Variants in XRCC4 observed in about 807,000 individuals in gnomAD.
XRCC4 encodes the protein X-ray repair cross complementing 4, also known as DNA repair protein XRCC4.
In XRCC4, 28 loss-of-function variants were observed where a neutral mutation model predicts 39.1. That is an observed-to-expected ratio of 0.72 (90% CI 0.53 to 0.98). The LOEUF (loss-of-function observed/expected upper bound fraction) is 0.98, where lower values mean the gene tolerates loss of function less well. Among genes scored for constraint, XRCC4 ranks in the 50% least tolerant of loss-of-function variants. The pLI, the probability that XRCC4 is intolerant of heterozygous loss-of-function variation, is 0.00. For synonymous variants in XRCC4, 123 were observed against 126.4 expected (o/e 0.97, Z 0.18); for missense variants, 350 against 376.4 (o/e 0.93, Z 0.58).
At chr5:83,278,326 G>T (rs1235422389) in intron 7 of XRCC4, among the ~76,000 whole-genome samples, 1 of 152,148 alleles carries the variant, frequency 6.6e-6, no homozygotes, top group Admixed American at 6.5e-5. Flanking sequence ...GAATTTTTGA[G>T]GTAGAAGTAT....
chr5:83,104,549 C>T (rs1189676884), intron 1 of XRCC4, among the ~76,000 whole-genome samples: 1 of 152,070 alleles, frequency 6.6e-6, no homozygotes, highest in Non-Finnish European at 1.5e-5. Context: ...AACTCCTGAC[C>T]TCAGGCAATC....
intron 7 of XRCC4, among the ~76,000 whole-genome samples, chr5:83,346,721 G>A (rs2386275): frequency 0.26 from 39,605 of 151,916 alleles, 7,572 homozygotes; most frequent in East Asian, 0.71. Context: ...GTATGTTGAA[G>A]TATAAGATAC....
intron 3 of XRCC4, among the ~76,000 whole-genome samples, chr5:83,111,849 G>T (rs1746459857): frequency 6.6e-6 from 1 of 152,072 alleles, no homozygotes. Flanking sequence ...AATAGATACT[G>T]AATTTGTTTT....
At chr5:83,324,578 T>C (rs1439093176) in intron 7 of XRCC4, among the ~76,000 whole-genome samples, 1 of 152,174 alleles carries the variant, frequency 6.6e-6, no homozygotes, top group Non-Finnish European at 1.5e-5. Context: ...AAGATGCCAT[T>C]GGCTTTTGCC....
chr5:83,244,016 G>A (rs1357704488), intron 6 of XRCC4, among the ~76,000 whole-genome samples: 1 of 152,132 alleles, frequency 6.6e-6, no homozygotes, highest in Non-Finnish European at 1.5e-5. Flanking sequence ...GGCTCTTAGA[G>A]CATATCTTTC....
chr5:83,090,475 CTG>C (rs989468452), intron 1 of XRCC4, among the ~76,000 whole-genome samples: 1 of 152,152 alleles, frequency 6.6e-6, no homozygotes, highest in African/African-American at 2.4e-5. Flanking sequence ...GTCCATTAAA[CTG>C]TTTTTTTCCA....
intron 4 of XRCC4, among the ~76,000 whole-genome samples, chr5:83,202,618 T>TA (rs1751254514): frequency 1.3e-5 from 2 of 152,282 alleles, no homozygotes; most frequent in East Asian, 3.9e-4. Context: ...TACTGGTATA[T>TA]ATGTGTGTGT....
intron 2 of XRCC4, among the ~76,000 whole-genome samples, chr5:83,110,504 A>G (rs1746391384): frequency 6.6e-6 from 1 of 151,996 alleles, no homozygotes. Context: ...CGTACATTTT[A>G]GTTTCCTTCC....
intron 3 of XRCC4, among the ~76,000 whole-genome samples, chr5:83,126,802 T>C (rs1333006496): frequency 6.6e-6 from 1 of 152,162 alleles, no homozygotes; most frequent in Non-Finnish European, 1.5e-5. Flanking sequence ...TGTCCAAATC[T>C]TAGAGACTCA....
chr5:83,298,198 G>T (rs1273440539), intron 7 of XRCC4, among the ~76,000 whole-genome samples: 1 of 150,684 alleles, frequency 6.6e-6, no homozygotes, highest in Non-Finnish European at 1.5e-5. Flanking sequence ...GTTGAAAACC[G>T]TCTATGGCAC....
intron 3 of XRCC4, among the ~76,000 whole-genome samples, chr5:83,136,253 A>T (rs1747892092): frequency 1.3e-5 from 2 of 152,186 alleles, no homozygotes; most frequent in African/African-American, 4.8e-5. Context: ...TGTCTTTAGC[A>T]AGCTAGATCA....
rs1186959004 is a variant in XRCC4, at chr5:83,132,358, C to G, written c.315+21155C>G. Reference sequence around the variant, plus strand: ...TTCGGTGAATCTGACAATTATGTGTCTTGGTGTTGCTGTTCTCGAGGAGTA... The same window carrying G: ...TTCGGTGAATCTGACAATTATGTGTGTTGGTGTTGCTGTTCTCGAGGAGTA... On this transcript the variant is annotated intron_variant, in intron 3 of 7. Coordinates refer to ENST00000396027, the MANE Select transcript of XRCC4 (RefSeq NM_003401.5). Among the ~76,000 whole-genome samples, 6 of 152,028 alleles carry G rather than the reference C, an allele frequency of 3.9e-5. No individual in the cohort carries two copies. The East Asian group carries it at 1.2e-3, about 29-fold the overall frequency.
intron 7 of XRCC4, among the ~76,000 whole-genome samples, chr5:83,277,934 AAAC>A (rs1219276473): frequency 1.6e-4 from 25 of 152,364 alleles, no homozygotes; most frequent in Non-Finnish European, 2.8e-4. Context: ...TTAATAAAGA[AAAC>A]AATATCTTGT....
intron 7 of XRCC4, among the ~76,000 whole-genome samples, chr5:83,301,258 T>C (rs1755274025): frequency 6.6e-6 from 1 of 152,238 alleles, no homozygotes; most frequent in Admixed American, 6.5e-5. Context: ...CCTGACTTTT[T>C]AATGATCACC....
chr5:83,363,475 T>TGAA, the XRCC4 span, among the ~76,000 whole-genome samples: 2 of 152,296 alleles, frequency 1.3e-5, no homozygotes, highest in Admixed American at 1.3e-4. Flanking sequence ...GAAGGTAACG[T>TGAA]GAAGGCACAA....
At chr5:83,201,017 C>T (rs181017524) in intron 4 of XRCC4, among the ~76,000 whole-genome samples, 1 of 151,996 alleles carries the variant, frequency 6.6e-6, no homozygotes, top group African/African-American at 2.4e-5. Flanking sequence ...GAGAACTTTG[C>T]TTAATGAAGG....
chr5:83,292,814 T>G (rs1754964879), intron 7 of XRCC4, among the ~76,000 whole-genome samples: 1 of 151,904 alleles, frequency 6.6e-6, no homozygotes, highest in African/African-American at 2.4e-5. Flanking sequence ...TAATCAGATA[T>G]GCATTTTTCT....
At chr5:83,262,217 T>A (rs939093242) in intron 7 of XRCC4, among the ~76,000 whole-genome samples, 1 of 152,182 alleles carries the variant, frequency 6.6e-6, no homozygotes, top group Non-Finnish European at 1.5e-5. Flanking sequence ...TATAGTTCTT[T>A]TGCCAGAGCA....
At chr5:83,174,716 C>T (rs901853055) in intron 3 of XRCC4, among the ~76,000 whole-genome samples, 2 of 152,194 alleles carry the variant, frequency 1.3e-5, no homozygotes, top group African/African-American at 4.8e-5. Context: ...TTCTATGTAA[C>T]ATGACTTATT....
Sources: gnomAD v4.1 joint callset for allele counts (sites outside exome capture counted in the v4.1 genomes callset) on GRCh38, gnomAD v4.1.1 for gene constraint, MANE v1.5 for transcripts, NCBI Gene and HGNC (gene_info 2026-07-23, HGNC 2026-07-21) for gene names.